Variants in SUGCT observed in about 807,000 individuals in gnomAD.
SUGCT encodes the protein succinyl-CoA:glutarate CoA-transferase.
In SUGCT, 41 loss-of-function variants were observed where a neutral mutation model predicts 55.0. That is an observed-to-expected ratio of 0.74 (90% CI 0.58 to 0.97). SUGCT has a LOEUF of 0.97. Ranked by LOEUF, SUGCT falls within the 50% of genes least tolerant of loss-of-function variation. The probability of loss-of-function intolerance (pLI) is 0.00; values close to 1 mark genes in which losing one functional copy is unlikely to be tolerated. For missense variants in SUGCT, 568 were observed against 547.8 expected (o/e 1.04, Z -0.37); for synonymous variants, 187 against 200.4 (o/e 0.93, Z 0.56).
chr7:40,877,543 A>G, the SUGCT span, among the ~76,000 whole-genome samples: 2 of 152,340 alleles, frequency 1.3e-5, no homozygotes, highest in East Asian at 1.9e-4. Flanking sequence ...AAAATTTCAA[A>G]CACAGCTCTC....
intron 8 of SUGCT, among the ~76,000 whole-genome samples, chr7:40,281,634 G>A (rs1226996236): frequency 3.3e-5 from 5 of 152,130 alleles, no homozygotes; most frequent in Admixed American, 6.5e-5. Flanking sequence ...TGAATCGAAA[G>A]CAGTCTCAGG....
chr7:40,930,478 G>A, the SUGCT span, among the ~76,000 whole-genome samples: 3 of 152,162 alleles, frequency 2.0e-5, no homozygotes, highest in Non-Finnish European at 2.9e-5. Flanking sequence ...GTAGCTTGAT[G>A]GGGATGGCAT....
At chr7:40,830,255 A>G (rs889323991) in intron 13 of SUGCT, among the ~76,000 whole-genome samples, 82 of 151,924 alleles carry the variant, frequency 5.4e-4, no homozygotes, top group African/African-American at 1.9e-3. Flanking sequence ...CACAATGTAA[A>G]CTCCTTCACT....
intron 13 of SUGCT, among the ~76,000 whole-genome samples, chr7:40,801,898 C>T (rs1227235049): frequency 6.6e-6 from 1 of 151,424 alleles, no homozygotes; most frequent in African/African-American, 2.4e-5. Context: ...CCCCATAGAC[C>T]AGCTTATATA....
chr7:40,335,185 A>G (rs916718111), intron 9 of SUGCT, among the ~76,000 whole-genome samples: 3 of 152,262 alleles, frequency 2.0e-5, no homozygotes, highest in South Asian at 2.1e-4. Flanking sequence ...GTCAGGTAGC[A>G]TGATGCCTCT....
At chr7:40,729,397 A>T (rs573708070) in intron 12 of SUGCT, among the ~76,000 whole-genome samples, 1 of 152,362 alleles carries the variant, frequency 6.6e-6, no homozygotes, top group South Asian at 2.1e-4. Flanking sequence ...TTAGAAGAGG[A>T]AGCACAATAG....
intron 12 of SUGCT, among the ~76,000 whole-genome samples, chr7:40,535,277 A>G (rs976626810): frequency 1.3e-5 from 2 of 152,024 alleles, no homozygotes; most frequent in African/African-American, 2.4e-5. Context: ...TGAGCATGAT[A>G]CTCAATAGTT....
At chr7:40,165,990 C>T (rs1784406829) in intron 1 of SUGCT, among the ~76,000 whole-genome samples, 1 of 152,156 alleles carries the variant, frequency 6.6e-6, no homozygotes. Context: ...GATGTGGTGG[C>T]ACACGCCTGT....
At chr7:40,866,426 T>C in the SUGCT span, among the ~76,000 whole-genome samples, 1 of 151,574 alleles carries the variant, frequency 6.6e-6, no homozygotes, top group Non-Finnish European at 1.5e-5. Flanking sequence ...AATTATAGCT[T>C]CCATTTTGGG....
At chr7:40,506,295 C>T (rs1429588294) in intron 12 of SUGCT, among the ~76,000 whole-genome samples, 1 of 152,040 alleles carries the variant, frequency 6.6e-6, no homozygotes, top group East Asian at 1.9e-4. Flanking sequence ...GTTTCTTCCT[C>T]TGAACACTTT....
At position 40,216,289 on chromosome 7, in the gene SUGCT, G is replaced by A. The variant is rs925037848; in HGVS notation, c.484+21229G>A. Among the ~76,000 whole-genome samples the A allele has an allele frequency of 2.0e-5, 3 of 151,870 alleles. No individual in the cohort carries two copies. The East Asian group carries it at 5.8e-4, about 29-fold the overall frequency. On this transcript the variant is annotated intron_variant, in intron 6 of 13. Coordinates refer to ENST00000335693, the MANE Select transcript of SUGCT (RefSeq NM_001193313.2). ...GGCTGAGGCAGGCGGATCACCTGAG[G>A]TCAGGAGTTCAAGACCAGCCTGGCC...
chr7:40,941,531 T>C, the SUGCT span, among the ~76,000 whole-genome samples: 4 of 152,140 alleles, frequency 2.6e-5, no homozygotes, highest in Admixed American at 2.6e-4. Flanking sequence ...ATTAGAAGAA[T>C]GTATATTCTG....
chr7:40,938,053 T>C, the SUGCT span, among the ~76,000 whole-genome samples: 1 of 152,208 alleles, frequency 6.6e-6, no homozygotes, highest in South Asian at 2.1e-4. Flanking sequence ...GTGGAGTGCA[T>C]GTGGTAATGC....
intron 12 of SUGCT, among the ~76,000 whole-genome samples, chr7:40,609,774 T>C (rs978769240): frequency 6.6e-6 from 1 of 152,170 alleles, no homozygotes; most frequent in African/African-American, 2.4e-5. Flanking sequence ...GCATAATGCA[T>C]TGGAGTAACA....
intron 7 of SUGCT, among the ~76,000 whole-genome samples, chr7:40,271,289 A>G (rs577848837): frequency 6.6e-6 from 1 of 152,068 alleles, no homozygotes; most frequent in African/African-American, 2.4e-5. Context: ...TAATTAGTTA[A>G]ATTTTTTTTC....
chr7:40,150,678 C>A (rs1283934372), intron 1 of SUGCT, among the ~76,000 whole-genome samples: 1 of 151,974 alleles, frequency 6.6e-6, no homozygotes, highest in Non-Finnish European at 1.5e-5. Flanking sequence ...CACAACAAAA[C>A]AAAACAAAAC....
rs551233110 is a variant in SUGCT at position 40,592,261 on chromosome 7, A to T, written c.1089+95875A>T. Among the ~76,000 whole-genome samples, 18 of 152,320 alleles carry T rather than the reference A, an allele frequency of 1.2e-4. No individual in the cohort carries two copies. The East Asian group carries it at 3.5e-3, about 29-fold the overall frequency. On this transcript the variant is annotated intron_variant, in intron 12 of 13. Transcript: ENST00000335693. ...TAGCTATTGTTAACTGAGGTCCCAT[A>T]GGATAGGGATGAGGTCCCATTGTCT...
At chr7:40,347,676 G>A (rs1797389989) in intron 9 of SUGCT, among the ~76,000 whole-genome samples, 1 of 152,140 alleles carries the variant, frequency 6.6e-6, no homozygotes, top group South Asian at 2.1e-4. Context: ...TCTAGTTTAT[G>A]TGCCATCTTT....
intron 6 of SUGCT, among the ~76,000 whole-genome samples, chr7:40,203,707 G>A (rs1003522456): frequency 2.6e-5 from 4 of 151,704 alleles, no homozygotes; most frequent in East Asian, 1.9e-4. Context: ...CCTGGGAGGC[G>A]GAAGTTGCAG....
Sources: allele counts gnomAD v4.1 joint callset (sites outside exome capture counted in the v4.1 genomes callset), GRCh38; gene constraint gnomAD v4.1.1; transcripts MANE v1.5; gene names NCBI Gene and HGNC (gene_info 2026-07-23, HGNC 2026-07-21).